Variants in PCDHGB3 observed in about 807,000 individuals in gnomAD.
The protein encoded by PCDHGB3 is protocadherin gamma subfamily B, 3.
PCDHGB3 carries 40 observed loss-of-function variants against 59.2 expected under a neutral mutation model. The observed-to-expected ratio is 0.68, with a 90% CI of 0.52 to 0.88. PCDHGB3 has a LOEUF of 0.88. PCDHGB3 is among the 40% of genes least tolerant of loss of function. The pLI, the probability that PCDHGB3 is intolerant of heterozygous loss-of-function variation, is 0.00. For synonymous variants in PCDHGB3, 581 were observed against 503.6 expected (o/e 1.15, Z -2.06); for missense variants, 1,309 against 1,187.9 (o/e 1.10, Z -1.50).
intron 1 of PCDHGB3, chr5:141,374,920 T>A: frequency 1.1e-5 from 17 of 1,613,964 alleles, no homozygotes; most frequent in Non-Finnish European, 1.4e-5. Context: ...AAGTAACTTA[T>A]TCCTTTGTGA....
At chr5:141,454,409 T>G (rs1221091875) in intron 1 of PCDHGB3, among the ~76,000 whole-genome samples, 1 of 152,162 alleles carries the variant, frequency 6.6e-6, no homozygotes, top group Non-Finnish European at 1.5e-5. Flanking sequence ...TTATTCCTTT[T>G]TATTTATTTA....
chr5:141,388,254 G>A, intron 1 of PCDHGB3: 2 of 1,568,962 alleles, frequency 1.3e-6, no homozygotes, highest in South Asian at 1.1e-5. Context: ...TGTGGAGATC[G>A]AGGACATTAA....
intron 1 of PCDHGB3, chr5:141,408,014 C>G (rs2095025916): frequency 5.0e-6 from 5 of 1,001,096 alleles, no homozygotes; most frequent in Non-Finnish European, 7.0e-6. Flanking sequence ...CCTGCGCAGC[C>G]AACAACAGAA....
At chr5:141,415,653 G>T in intron 1 of PCDHGB3, 1 of 1,539,362 alleles carries the variant, frequency 6.5e-7, no homozygotes, top group Non-Finnish European at 8.8e-7. Context: ...AAAAAAAAAA[G>T]ATTGGTTTTT....
rs774113255 is a variant in PCDHGB3 at position 141,405,285 on chromosome 5, C to T, written c.2415+32476C>T. 3.7e-6 allele frequency: 6 copies of T among 1,614,080 alleles called. No individual in the cohort carries two copies. The Admixed American group carries it at 1.0e-4, about 27-fold the overall frequency. On this transcript the variant is annotated intron_variant, in intron 1 of 3. Coordinates refer to ENST00000576222, the MANE Select transcript of PCDHGB3 (RefSeq NM_018924.5). ...TTCCCCCAGCCCAACTATGCAGACACACTCATCAGCCAGCAGAGCTGTGAG... is the reference window on the plus strand; with the variant it reads ...TTCCCCCAGCCCAACTATGCAGACATACTCATCAGCCAGCAGAGCTGTGAG...
chr5:141,419,415 C>A, intron 1 of PCDHGB3: 2 of 1,613,434 alleles, frequency 1.2e-6, no homozygotes, highest in Non-Finnish European at 1.7e-6. Flanking sequence ...GCGCAGCGCG[C>A]CTTCGACCAC....
intron 1 of PCDHGB3, among the ~76,000 whole-genome samples, chr5:141,445,458 A>G (rs1427391084): frequency 6.6e-6 from 1 of 152,248 alleles, no homozygotes; most frequent in Non-Finnish European, 1.5e-5. Flanking sequence ...TGCAGCAATG[A>G]ACAAGGCATA....
At position 141,438,243 on chromosome 5, in the gene PCDHGB3, A is replaced by C. The variant is rs1445738408; in HGVS notation, c.2416-56564A>C. ...TGGTTCAGGAAAATGTTTTTAAAAA[A>C]CTGTCATTGAAGAGACCATAGAATC... On this transcript the variant is annotated intron_variant, in intron 1 of 3. Coordinates refer to ENST00000576222, the MANE Select transcript of PCDHGB3 (RefSeq NM_018924.5). Among the ~76,000 whole-genome samples, 3 of 152,250 alleles carry C rather than the reference A, an allele frequency of 2.0e-5. No individual in the cohort carries two copies. In the East Asian group the frequency reaches 5.8e-4, roughly 29 times the overall value.
intron 1 of PCDHGB3, among the ~76,000 whole-genome samples, chr5:141,444,786 T>C (rs1252217349): frequency 6.6e-6 from 1 of 152,226 alleles, no homozygotes; most frequent in Non-Finnish European, 1.5e-5. Context: ...CATGTTTCAT[T>C]TGTCTATTCT....
At chr5:141,510,134 C>T (rs1273076437) in intron 3 of PCDHGB3, among the ~76,000 whole-genome samples, 1 of 152,064 alleles carries the variant, frequency 6.6e-6, no homozygotes, top group East Asian at 1.9e-4. Context: ...ATTAGCTGGG[C>T]TAGTGGTGTG....
intron 1 of PCDHGB3, chr5:141,430,707 CT>C: frequency 6.8e-7 from 1 of 1,478,562 alleles, no homozygotes; most frequent in Non-Finnish European, 9.0e-7. Context: ...GGAACTGCTC[CT>C]GACTTCAGTG....
At chr5:141,441,298 T>C (rs1289976355) in intron 1 of PCDHGB3, 1 of 152,150 alleles carries the variant, frequency 6.6e-6, no homozygotes, top group Non-Finnish European at 1.5e-5. Flanking sequence ...ATGTCTGATA[T>C]AAGAAAATGC....
intron 1 of PCDHGB3, chr5:141,397,962 A>T: frequency 1.9e-6 from 2 of 1,037,030 alleles, no homozygotes; most frequent in Admixed American, 2.9e-5. Context: ...CCCAGCTCAG[A>T]CTCCCCAGCG....
At chr5:141,509,077 C>A (rs1371396735) in intron 3 of PCDHGB3, among the ~76,000 whole-genome samples, 3 of 152,242 alleles carry the variant, frequency 2.0e-5, no homozygotes, top group Admixed American at 2.0e-4. Flanking sequence ...CGGGGATTTG[C>A]GACATGAAAT....
Position 141,491,880 on chromosome 5 carries a change from G to C in PCDHGB3, c.2416-2927G>C. ...GCGAAACCAGAGTGGCCGATTAAGG[G>C]ATGGGGCTCCGAGCACCGGGGGTGG... On this transcript the variant is annotated intron_variant, in intron 1 of 3. Transcript: ENST00000576222. This position sits in a 1 kb window ranked among gnomAD's most constrained non-coding sequence, Gnocchi z 6.9. 1 of 1,449,834 alleles carries C rather than the reference G, an allele frequency of 6.9e-7. No individual in the cohort carries two copies. 89.8% of individuals were successfully genotyped at this position (1,449,834 alleles called of 1,614,324 possible).
chr5:141,491,500 G>A lies in PCDHGB3; in HGVS notation c.2416-3307G>A. ...CAGCCCCAACCTGCAGGTGAGCTCG[G>A]ACGGCACGCTCAAGTACATGGAGGT... On this transcript the variant is annotated intron_variant, in intron 1 of 3. Transcript: ENST00000576222. The surrounding 1 kb of genome is among the most constrained non-coding windows in gnomAD (Gnocchi z 6.9). 3 of 1,614,102 alleles carry A rather than the reference G, an allele frequency of 1.9e-6. No homozygotes were observed. The highest frequency in any genetic ancestry group is 2.7e-5 in the African/African-American group (2 of 75,066).
In PCDHGB3 at chr5:141,375,892, G is replaced by C. The variant is rs753797132; in HGVS notation, c.2415+3083G>C. On this transcript the variant is annotated intron_variant, in intron 1 of 3. Transcript: ENST00000576222. ...ACAGAGACTCGGGCCAGAACGCCTG[G>C]CTGTCCTACCGCCTGCTCAAGGCCA... is the stretch of plus-strand genomic sequence containing the variant. 5 of 1,613,676 alleles carry C rather than the reference G, an allele frequency of 3.1e-6. No individual in the cohort carries two copies. In the Admixed American group the frequency reaches 8.3e-5, roughly 27 times the overall value.
intron 1 of PCDHGB3, chr5:141,383,948 C>G (rs199642192): frequency 2.1e-4 from 340 of 1,613,480 alleles, no homozygotes; most frequent in Non-Finnish European, 2.5e-4. Context: ...GTGACTATGA[C>G]GTCTTTAAGT....
At chr5:141,382,108 G>T (rs1323592761) in intron 1 of PCDHGB3, among the ~76,000 whole-genome samples, 2 of 152,024 alleles carry the variant, frequency 1.3e-5, no homozygotes, top group African/African-American at 4.8e-5. Flanking sequence ...GATTACAGGC[G>T]TGAGCAACAG....
Sources: gnomAD v4.1 joint callset for allele counts (sites outside exome capture counted in the v4.1 genomes callset) on GRCh38, gnomAD v4.1.1 for gene constraint, Gnocchi (gnomAD v3.1) non-coding constraint, MANE v1.5 for transcripts, NCBI Gene and HGNC (gene_info 2026-07-23, HGNC 2026-07-21) for gene names.